The following ZMYND8 variants were observed in gnomAD, a reference collection of about 807,000 sequenced individuals.
The protein encoded by ZMYND8 is zinc finger MYND-type containing 8.
In ZMYND8, 37 loss-of-function variants were observed where a neutral mutation model predicts 140.8. The observed-to-expected ratio is 0.26, with a 90% CI of 0.20 to 0.35. ZMYND8 has a LOEUF of 0.35. ZMYND8 is among the 10% of genes least tolerant of loss of function. The pLI is 1.00. For synonymous variants in ZMYND8, 592 were observed against 597.1 expected (o/e 0.99, Z 0.12); for missense variants, 1,068 against 1,570.0 (o/e 0.68, Z 5.40).
At chr20:47,317,888 G>A (rs1246313878) in intron 2 of ZMYND8, among the ~76,000 whole-genome samples, 1 of 152,184 alleles carries the variant, frequency 6.6e-6, no homozygotes, top group African/African-American at 2.4e-5. Context: ...CACTTTACAA[G>A]TGGTACCTTG....
chr20:47,254,807 G>C (rs1446197969), intron 12 of ZMYND8, among the ~76,000 whole-genome samples: 1 of 152,056 alleles, frequency 6.6e-6, no homozygotes, highest in Non-Finnish European at 1.5e-5. Flanking sequence ...GATGCTATTA[G>C]CACCTACACA....
Position 47,246,243 on chromosome 20 carries a change from G to C in ZMYND8, c.2049C>G (p.Val683=), listed in dbSNP as rs367713739. 6.2e-7 allele frequency: 1 copy of C among 1,614,132 alleles called. No individual in the cohort carries two copies. Among genetic ancestry groups the C allele is most frequent in the Non-Finnish European group, 8.5e-7 (1 of 1,180,036 alleles). Residue 683 remains valine, a synonymous_variant, in exon 14 of 23, where the codon GTC becomes GTG. Coordinates refer to ENST00000471951, the MANE Select transcript of ZMYND8 (RefSeq NM_001281775.3). ...PASEKADPGA[V]KDKASPEPEK... is the part of the protein sequence containing the mutation. ...CAGGCTCAGGGCTGGCCTTGTCCTTGACTGCTCCAGGGTCTGCCTTCTCGC... is the reference window on the plus strand; with the variant it reads ...CAGGCTCAGGGCTGGCCTTGTCCTTCACTGCTCCAGGGTCTGCCTTCTCGC...
chr20:47,356,528 T>C (rs917944197), intron 1 of ZMYND8, 129 bp downstream of exon 1: 2 of 1,611,206 alleles, frequency 1.2e-6, no homozygotes, highest in African/African-American at 2.7e-5. Flanking sequence ...CTCTAAACAG[T>C]TCCAAGTTAA....
At position 47,233,205 on chromosome 20, in the gene ZMYND8, C is replaced by CTTTTT. The variant is rs1174729822; in HGVS notation, c.2856+3116_2856+3120dup. Reference sequence around the variant, plus strand: ...TCCAGGTGTGAGACACCGCACCAGGCTTTTTTTTTTTTTTTTTTTTTGAGA... The same window carrying CTTTTT: ...TCCAGGTGTGAGACACCGCACCAGGCTTTTTTTTTTTTTTTTTTTTTTTTTTGAGA... On this transcript the variant is annotated intron_variant, in intron 16 of 22. Coordinates refer to ENST00000471951, the MANE Select transcript of ZMYND8 (RefSeq NM_001281775.3). Among the ~76,000 whole-genome samples the CTTTTT allele has an allele frequency of 6.7e-4, 61 of 91,360 alleles. 4 individuals are homozygous for CTTTTT. The highest frequency in any genetic ancestry group is 2.8e-3 in the African/African-American group (55 of 19,770). The allele number at this position is 91,360 out of a possible 152,430, so 59.9% of individuals were successfully genotyped here.
Position 47,224,292 on chromosome 20 carries a change from G to A in ZMYND8, c.3256+25C>T, listed in dbSNP as rs370267017. 3.3e-5 allele frequency: 53 copies of A among 1,612,754 alleles called. No individual in the cohort carries two copies. In the East Asian group the frequency reaches 4.0e-4, roughly 12 times the overall value. Reference sequence around the variant, plus strand: ...ATGCCAAGCCACTGCAGCCCAGGACGGGAGGCAGCCCCACAGGGCATTACC... The same window carrying A: ...ATGCCAAGCCACTGCAGCCCAGGACAGGAGGCAGCCCCACAGGGCATTACC... On this transcript the variant is annotated intron_variant, in intron 19 of 22. Coordinates refer to ENST00000471951, the MANE Select transcript of ZMYND8 (RefSeq NM_001281775.3).
intron 3 of ZMYND8, among the ~76,000 whole-genome samples, chr20:47,305,253 T>C (rs968956225): frequency 6.6e-6 from 1 of 151,520 alleles, no homozygotes; most frequent in African/African-American, 2.4e-5. Context: ...CTTTTTTTTT[T>C]TTCTTTTTTC....
chr20:47,251,790 C>CCGCCCCGCACCATCT (rs1262479816), intron 12 of ZMYND8, among the ~76,000 whole-genome samples: 4 of 139,732 alleles, frequency 2.9e-5, no homozygotes, highest in African/African-American at 1.3e-4. Context: ...CATCTCTGCC[C>CCGCCCCGCACCATCT]GGCCGCCGCA....
chr20:47,212,564 C>T lies in ZMYND8; in HGVS notation c.3568+78G>A, dbSNP rs980755556. 5.3e-6 allele frequency: 8 copies of T among 1,500,248 alleles called. No homozygotes were observed. The African/African-American group carries it at 6.9e-5, about 13-fold the overall frequency. The allele number at this position is 1,500,248 out of a possible 1,614,324, so 92.9% of individuals were successfully genotyped here. ...AGACACACCCACAAAGGAACACATA[C>T]ACGGACACACACAGAACAAGCCTTC... On this transcript the variant is annotated intron_variant, in intron 22 of 22. Transcript: ENST00000471951.
intron 2 of ZMYND8, among the ~76,000 whole-genome samples, chr20:47,331,347 T>C (rs965242584): frequency 1.3e-5 from 2 of 152,134 alleles, no homozygotes; most frequent in African/African-American, 4.8e-5. Flanking sequence ...TAGGATACGA[T>C]ATTGTAAGAA....
intron 3 of ZMYND8, among the ~76,000 whole-genome samples, chr20:47,304,989 T>C (rs2078363762): frequency 6.6e-6 from 1 of 151,714 alleles, no homozygotes; most frequent in South Asian, 2.1e-4. Context: ...ACACCTCTAA[T>C]CCCACCAATT....
chr20:47,322,438 CTTT>C (rs1166725847), intron 2 of ZMYND8, among the ~76,000 whole-genome samples: 14 of 120,766 alleles, frequency 1.2e-4, no homozygotes, highest in African/African-American at 1.2e-4. Flanking sequence ...GATGGCATTT[CTTT>C]TTTTTTTTTT....
At chr20:47,247,190 G>T (rs2040662531) in intron 13 of ZMYND8, among the ~76,000 whole-genome samples, 1 of 152,206 alleles carries the variant, frequency 6.6e-6, no homozygotes, top group South Asian at 2.1e-4. Flanking sequence ...TCACAAATCA[G>T]GAAATTTCAT....
rs1178499503 is a variant in ZMYND8, at chr20:47,347,911, T to G, written c.30A>C (p.Glu10Asp). ...CTACCACCTCCTGTTCTGTTTTTATTTCCTCTTCAGCCAAGCTGAAACAGA... is the reference window on the plus strand; with the variant it reads ...CTACCACCTCCTGTTCTGTTTTTATGTCCTCTTCAGCCAAGCTGAAACAGA... MHPQSLAEE[E>D]IKTEQEVVEG... is the part of the protein sequence containing the mutation. Residue 10 changes from glutamate to aspartate, a missense_variant, in exon 2 of 23, where the codon GAA becomes GAC. Transcript: ENST00000471951. 1.2e-6 allele frequency: 2 copies of G among 1,613,996 alleles called. No individual in the cohort carries two copies. Among genetic ancestry groups the G allele is most frequent in the Admixed American group, 1.7e-5 (1 of 60,028 alleles).
chr20:47,350,018 A>G, intron 1 of ZMYND8: 1 of 1,474,358 alleles, frequency 6.8e-7, no homozygotes, highest in Non-Finnish European at 9.0e-7. Flanking sequence ...CAAACTAGTT[A>G]TGTGGTGGCT....
At chr20:47,264,238 C>G (rs2075349874) in intron 11 of ZMYND8, among the ~76,000 whole-genome samples, 1 of 152,192 alleles carries the variant, frequency 6.6e-6, no homozygotes, top group Admixed American at 6.5e-5. Flanking sequence ...CGAGCAAGTG[C>G]TCAATAAATA....
At chr20:47,269,171 C>G (rs2075758929) in intron 11 of ZMYND8, among the ~76,000 whole-genome samples, 2 of 152,150 alleles carry the variant, frequency 1.3e-5, no homozygotes, top group African/African-American at 4.8e-5. Flanking sequence ...TGCACTCCAG[C>G]CTGGGCAACA....
intron 7 of ZMYND8, among the ~76,000 whole-genome samples, chr20:47,287,496 C>T (rs543644863): frequency 6.6e-6 from 1 of 152,202 alleles, no homozygotes; most frequent in Non-Finnish European, 1.5e-5. Flanking sequence ...TCGATGTCAT[C>T]TTCTCTGCAA....
In ZMYND8 at chr20:47,283,493, C is replaced by T. The variant is rs2076736888; in HGVS notation, c.882+78G>A. 4 of 1,475,802 alleles carry T rather than the reference C, an allele frequency of 2.7e-6. No homozygotes were observed. The Admixed American group carries it at 7.1e-5, about 26-fold the overall frequency. The allele number at this position is 1,475,802 out of a possible 1,614,324, so 91.4% of individuals were successfully genotyped here. A position where few individuals can be genotyped will look rare whatever the true frequency, so the allele number is the denominator to read the frequency against. Reference sequence around the variant, plus strand: ...TCCAAAGTTTCATCTAATAAGCCACCTGGAAAAAGCTGTCTCAGGGTAGTC... The same window carrying T: ...TCCAAAGTTTCATCTAATAAGCCACTTGGAAAAAGCTGTCTCAGGGTAGTC... On this transcript the variant is annotated intron_variant, in intron 9 of 22. Transcript: ENST00000471951.
intron 12 of ZMYND8, among the ~76,000 whole-genome samples, chr20:47,253,988 G>C (rs1442585460): frequency 6.6e-6 from 1 of 152,196 alleles, no homozygotes; most frequent in East Asian, 1.9e-4. Flanking sequence ...TGACCTTCAG[G>C]AGTTTAGCCG....
Sources: allele counts gnomAD v4.1 joint callset (sites outside exome capture counted in the v4.1 genomes callset), GRCh38; gene constraint gnomAD v4.1.1; transcripts MANE v1.5; gene names NCBI Gene and HGNC (gene_info 2026-07-23, HGNC 2026-07-21).